HMGCLL1: variants seen among roughly 807,000 people sequenced by gnomAD.
HMGCLL1 encodes the protein 3-hydroxy-3-methylglutaryl-CoA lyase like 1.
A neutral mutation model predicts 39.1 loss-of-function variants in HMGCLL1; 36 were observed. That is an observed-to-expected ratio of 0.92 (90% CI 0.71 to 1.22). The LOEUF is 1.22. Among genes scored for constraint, HMGCLL1 ranks in the 50% most tolerant of loss-of-function variants. The pLI is 0.00. For synonymous variants in HMGCLL1, 149 were observed against 144.0 expected, an observed-to-expected ratio of 1.03 and a Z score of -0.25; for missense variants, 451 against 416.5, an observed-to-expected ratio of 1.08 and a Z score of -0.72.
the HMGCLL1 span, among the ~76,000 whole-genome samples, chr6:55,601,904 A>C: frequency 6.6e-6 from 1 of 152,116 alleles, no homozygotes; most frequent in Admixed American, 6.6e-5. Context: ...TATTTTTTAG[A>C]AATTACTTTT....
Position 55,474,175 on chromosome 6 carries a change from G to A in HMGCLL1, c.795+21244C>T, listed in dbSNP as rs188056869. ...TCATTAATTTTGGAAAGCTGTCAAC[G>A]ATTATTGCTTCAAATATTTATGCTA... On this transcript the variant is annotated intron_variant, in intron 7 of 8. Coordinates refer to ENST00000274901, the MANE Select transcript of HMGCLL1 (RefSeq NM_001042406.2). Among the ~76,000 whole-genome samples the A allele has an allele frequency of 3.8e-4, 57 of 151,562 alleles. 1 individual carries two copies. In the East Asian group the frequency reaches 9.5e-3, roughly 25 times the overall value.
chr6:55,498,361 A>C (rs1276782841), intron 6 of HMGCLL1, among the ~76,000 whole-genome samples: 1 of 152,136 alleles, frequency 6.6e-6, no homozygotes, highest in Non-Finnish European at 1.5e-5. Flanking sequence ...CTCTGTGTGC[A>C]AGGGTCTTGT....
the HMGCLL1 span, among the ~76,000 whole-genome samples, chr6:55,608,680 T>C: frequency 4.6e-5 from 7 of 152,334 alleles, no homozygotes; most frequent in East Asian, 1.2e-3. Flanking sequence ...CCTAAAATAA[T>C]TTCTAAAAAT....
At chr6:55,482,524 T>C (rs1437240657) in intron 7 of HMGCLL1, among the ~76,000 whole-genome samples, 1 of 152,162 alleles carries the variant, frequency 6.6e-6, no homozygotes, top group Admixed American at 6.5e-5. Context: ...AGGAAAGTGT[T>C]CCAAAATGTC....
chr6:55,541,138 G>C (rs1228459515), intron 3 of HMGCLL1, among the ~76,000 whole-genome samples: 2 of 152,090 alleles, frequency 1.3e-5, no homozygotes. Flanking sequence ...TCAAAGATCA[G>C]AGTCAAGTTT....
the HMGCLL1 span, among the ~76,000 whole-genome samples, chr6:55,586,397 G>GTT: frequency 0.41 from 61,346 of 150,120 alleles, 13,087 homozygotes; most frequent in East Asian, 0.59. Context: ...ATGGAAATCA[G>GTT]TTTTTTTTTT....
the HMGCLL1 span, among the ~76,000 whole-genome samples, chr6:55,596,610 T>G: frequency 6.6e-6 from 1 of 152,222 alleles, no homozygotes; most frequent in African/African-American, 2.4e-5. Flanking sequence ...CCTAAACTCC[T>G]AAGATATGGA....
upstream of HMGCLL1, among the ~76,000 whole-genome samples, chr6:55,582,642 T>A (rs1739397394): frequency 6.6e-6 from 1 of 152,152 alleles, no homozygotes; most frequent in Non-Finnish European, 1.5e-5. Context: ...TCATGTCCTA[T>A]CACTCTAATT....
intron 7 of HMGCLL1, among the ~76,000 whole-genome samples, chr6:55,469,665 T>C (rs775616151): frequency 6.6e-5 from 10 of 151,516 alleles, no homozygotes; most frequent in Non-Finnish European, 1.5e-4. Flanking sequence ...TGTTCACTGA[T>C]TTTCACTGGC....
intron 3 of HMGCLL1, among the ~76,000 whole-genome samples, chr6:55,530,399 C>T (rs371644310): frequency 6.6e-6 from 1 of 151,784 alleles, no homozygotes; most frequent in Admixed American, 6.6e-5. Context: ...TATATATTAA[C>T]AATGAAAATA....
At chr6:55,602,828 G>C in the HMGCLL1 span, among the ~76,000 whole-genome samples, 1 of 151,982 alleles carries the variant, frequency 6.6e-6, no homozygotes, top group Non-Finnish European at 1.5e-5. Flanking sequence ...ACATATAAAA[G>C]TTGAGATCTG....
the HMGCLL1 span, among the ~76,000 whole-genome samples, chr6:55,647,400 A>T: frequency 6.6e-6 from 1 of 151,998 alleles, no homozygotes; most frequent in South Asian, 2.1e-4. Context: ...ATTCAATGTT[A>T]TTATTGATAA....
the HMGCLL1 span, among the ~76,000 whole-genome samples, chr6:55,650,346 G>T: frequency 6.6e-6 from 1 of 151,368 alleles, no homozygotes; most frequent in Non-Finnish European, 1.5e-5. Context: ...CCAGGTGTTC[G>T]AAGGGACTTG....
chr6:55,536,337 A>C, intron 3 of HMGCLL1, among the ~76,000 whole-genome samples: 1 of 152,240 alleles, frequency 6.6e-6, no homozygotes, highest in Non-Finnish European at 1.5e-5. Context: ...TGCCTATGGC[A>C]TACATAAATG....
the HMGCLL1 span, among the ~76,000 whole-genome samples, chr6:55,649,345 A>G: frequency 6.6e-6 from 1 of 150,492 alleles, no homozygotes; most frequent in Non-Finnish European, 1.5e-5. Flanking sequence ...GGACATTTGC[A>G]TCACAAATAC....
chr6:55,545,464 G>C (rs1769910469), intron 1 of HMGCLL1, among the ~76,000 whole-genome samples: 1 of 152,018 alleles, frequency 6.6e-6, no homozygotes, highest in Non-Finnish European at 1.5e-5. Context: ...TTACTATTTA[G>C]TCTTTCTAGA....
chr6:55,464,170 T>C (rs896194764), intron 7 of HMGCLL1, among the ~76,000 whole-genome samples: 3 of 152,186 alleles, frequency 2.0e-5, no homozygotes, highest in Non-Finnish European at 1.5e-5. Flanking sequence ...TTTACTAATG[T>C]ACAATATCAA....
chr6:55,451,865 GA>G (rs1407813182), intron 7 of HMGCLL1, among the ~76,000 whole-genome samples: 1 of 152,174 alleles, frequency 6.6e-6, no homozygotes, highest in East Asian at 1.9e-4. Context: ...TGGCTTGTGA[GA>G]ATGTACAGAC....
intron 7 of HMGCLL1, among the ~76,000 whole-genome samples, chr6:55,450,328 C>G (rs1192183514): frequency 6.6e-6 from 1 of 152,194 alleles, no homozygotes; most frequent in Non-Finnish European, 1.5e-5. Flanking sequence ...TCAAAACAAA[C>G]GAAGAGCATA....
Sources: allele counts gnomAD v4.1 joint callset (sites outside exome capture counted in the v4.1 genomes callset), GRCh38; gene constraint gnomAD v4.1.1; transcripts MANE v1.5; gene names NCBI Gene and HGNC (gene_info 2026-07-23, HGNC 2026-07-21).